Variants in NECAB1 observed in about 807,000 individuals in gnomAD.
NECAB1 encodes the protein N-terminal EF-hand calcium binding protein 1.
In NECAB1, 29 loss-of-function variants were observed where a neutral mutation model predicts 57.5. That is an observed-to-expected ratio of 0.50 (90% CI 0.38 to 0.69). NECAB1 has a LOEUF of 0.69. Among genes scored for constraint, NECAB1 ranks in the 30% least tolerant of loss-of-function variants. NECAB1 has a pLI of 0.00. For synonymous variants in NECAB1, 142 were observed against 147.7 expected, an observed-to-expected ratio of 0.96 and a Z score of 0.28; for missense variants, 372 against 413.8, an observed-to-expected ratio of 0.90 and a Z score of 0.88.
At chr8:90,939,785 A>G (rs1269066435) in intron 9 of NECAB1, among the ~76,000 whole-genome samples, 1 of 152,226 alleles carries the variant, frequency 6.6e-6, no homozygotes, top group African/African-American at 2.4e-5. Context: ...CCTCTAAAAT[A>G]TCATTGGTAT....
chr8:90,816,025 C>A (rs1444452442), intron 2 of NECAB1, among the ~76,000 whole-genome samples: 1 of 151,866 alleles, frequency 6.6e-6, no homozygotes, highest in Non-Finnish European at 1.5e-5. Flanking sequence ...GTTTCCATTG[C>A]TCCACTTTCT....
chr8:90,896,878 C>A (rs201482628), intron 5 of NECAB1, among the ~76,000 whole-genome samples: 2 of 152,010 alleles, frequency 1.3e-5, no homozygotes. Flanking sequence ...AAAGCACTCA[C>A]CACTTCATTC....
intron 11 of NECAB1, 46 bp downstream of exon 11, chr8:90,949,930 C>T (rs1200522475): frequency 7.9e-6 from 9 of 1,144,606 alleles, no homozygotes; most frequent in Middle Eastern, 3.9e-4. Context: ...AGGAAGGTGG[C>T]AATATGCATG....
At chr8:90,899,774 T>A (rs1367654780) in intron 5 of NECAB1, among the ~76,000 whole-genome samples, 1 of 152,202 alleles carries the variant, frequency 6.6e-6, no homozygotes, top group Non-Finnish European at 1.5e-5. Context: ...TTCTTTGTCA[T>A]AAGAAACTCA....
At chr8:90,872,248 A>G in intron 4 of NECAB1, 95 bp downstream of exon 4, 1 of 973,292 alleles carries the variant, frequency 1.0e-6, no homozygotes, top group East Asian at 2.9e-5. Context: ...TTAATGTTGT[A>G]TATTAGGAGT....
At chr8:90,939,406 C>T (rs1403104769) in intron 9 of NECAB1, among the ~76,000 whole-genome samples, 1 of 152,166 alleles carries the variant, frequency 6.6e-6, no homozygotes, top group African/African-American at 2.4e-5. Context: ...GAATCCATGT[C>T]TTGAGGAGAG....
chr8:90,860,928 G>A (rs370274637), intron 3 of NECAB1, among the ~76,000 whole-genome samples: 14 of 152,186 alleles, frequency 9.2e-5, no homozygotes, highest in East Asian at 7.7e-4. Flanking sequence ...TGGGAAATTC[G>A]TAAGTTAAAT....
rs916108545 is a variant in NECAB1, at chr8:90,955,937, G to A, written c.*425G>A. 1.3e-5 allele frequency: 2 copies of A among 153,858 alleles called. No homozygotes were observed. The highest frequency in any genetic ancestry group is 2.9e-5 in the Non-Finnish European group (2 of 69,250). The allele number at this position is 153,858 out of a possible 1,614,324, so 9.5% of individuals were successfully genotyped here. Reference sequence around the variant, plus strand: ...CTGTAAAGGGTTAAATCAGCGTTTTGTGATTTTTAAGTAACTGTGAGTGAA... The same window carrying A: ...CTGTAAAGGGTTAAATCAGCGTTTTATGATTTTTAAGTAACTGTGAGTGAA... On this transcript the variant is annotated 3_prime_UTR_variant, in exon 13 of 13. Transcript: ENST00000417640.
intron 5 of NECAB1, among the ~76,000 whole-genome samples, chr8:90,894,118 A>G (rs1222521283): frequency 6.6e-6 from 1 of 152,174 alleles, no homozygotes; most frequent in African/African-American, 2.4e-5. Flanking sequence ...ATAGACACAT[A>G]TAGCATAAAT....
intron 5 of NECAB1, among the ~76,000 whole-genome samples, chr8:90,902,226 C>A (rs1809521106): frequency 6.6e-6 from 1 of 152,250 alleles, no homozygotes; most frequent in Non-Finnish European, 1.5e-5. Flanking sequence ...TTGAGACCAG[C>A]CTGGACAACA....
At chr8:90,925,860 G>C (rs1371168530) in intron 7 of NECAB1, among the ~76,000 whole-genome samples, 1 of 152,130 alleles carries the variant, frequency 6.6e-6, no homozygotes, top group Admixed American at 6.5e-5. Context: ...AATCCTAGCA[G>C]TTGTGCCTGG....
intron 3 of NECAB1, among the ~76,000 whole-genome samples, chr8:90,846,959 C>G (rs1305542860): frequency 6.6e-6 from 1 of 152,056 alleles, no homozygotes; most frequent in Non-Finnish European, 1.5e-5. Flanking sequence ...ATCATTGTGC[C>G]CTGGCCCCTC....
chr8:90,877,162 A>G (rs969710105), intron 4 of NECAB1, among the ~76,000 whole-genome samples: 1 of 152,098 alleles, frequency 6.6e-6, no homozygotes, highest in Admixed American at 6.5e-5. Context: ...CCTCCTGCCT[A>G]CCACATCTTG....
intron 6 of NECAB1, among the ~76,000 whole-genome samples, chr8:90,924,769 C>G (rs1002653121): frequency 1.3e-5 from 2 of 152,078 alleles, no homozygotes; most frequent in Non-Finnish European, 2.9e-5. Context: ...TTTTAAGCAG[C>G]CTTCCTGGAA....
At chr8:90,938,889 GCT>G (rs1810603601) in intron 9 of NECAB1, among the ~76,000 whole-genome samples, 2 of 152,142 alleles carry the variant, frequency 1.3e-5, no homozygotes, top group African/African-American at 2.4e-5. Flanking sequence ...GGATCAACTG[GCT>G]GGTTCTTATG....
intron 6 of NECAB1, among the ~76,000 whole-genome samples, chr8:90,920,396 C>T (rs1810077337): frequency 6.6e-6 from 1 of 152,196 alleles, no homozygotes; most frequent in Admixed American, 6.5e-5. Context: ...CTATATCTTC[C>T]TATCAGCTGG....
In NECAB1 at chr8:90,881,118, C is replaced by A. The variant is rs753927970; in HGVS notation, c.345C>A (p.Gly115=). Residue 115 remains glycine (G), a synonymous_variant, in exon 5 of 13, where the codon GGC becomes GGA. Transcript: ENST00000417640. ...DLNLSILKAM[G]KTKKDYQEAS... ...ATCTTTCCATCCTGAAGGCAATGGGCAAAACAAAGAAAGTAAGAAAATGTT... is the reference window on the plus strand; with the variant it reads ...ATCTTTCCATCCTGAAGGCAATGGGAAAAACAAAGAAAGTAAGAAAATGTT... 6.3e-7 allele frequency: 1 copy of A among 1,593,434 alleles called. No individual in the cohort carries two copies. Among genetic ancestry groups the A allele is most frequent in the South Asian group, 1.1e-5 (1 of 87,256 alleles).
At position 90,951,124 on chromosome 8, in the gene NECAB1, C is replaced by G; in HGVS notation, c.950C>G (p.Thr317Arg). 6.3e-7 allele frequency: 1 copy of G among 1,593,730 alleles called. No homozygotes were observed. The highest frequency in any genetic ancestry group is 1.1e-5 in the South Asian group (1 of 88,598). Residue 317 changes from threonine to arginine, a missense_variant, in exon 12 of 13, where the codon ACA becomes AGA. Transcript: ENST00000417640. ...AATTATTTATACAGCCACCTTCAGA[C>G]AAATTATAGCAAGACATTCCAAAGA... ...NSSVWNSHLQ[T>R]NYSKTFQRSN...
intron 8 of NECAB1, 99 bp downstream of exon 8, chr8:90,928,398 A>G (rs1810329249): frequency 4.9e-6 from 4 of 820,106 alleles, no homozygotes; most frequent in Non-Finnish European, 7.3e-6. Flanking sequence ...CATAGATAGA[A>G]TAACAGCCAG....
Sources: allele counts gnomAD v4.1 joint callset (sites outside exome capture counted in the v4.1 genomes callset), GRCh38; gene constraint gnomAD v4.1.1; transcripts MANE v1.5; gene names NCBI Gene and HGNC (gene_info 2026-07-23, HGNC 2026-07-21).